Variants in NXPH1 observed in about 807,000 individuals in gnomAD.
The protein encoded by NXPH1 is neurexophilin-1.
NXPH1 carries 5 observed loss-of-function variants against 23.7 expected under a neutral mutation model. The ratio of observed to expected loss-of-function variants is 0.21; its 90% CI spans 0.11 to 0.44. The LOEUF is 0.44. Ranked by LOEUF, NXPH1 falls within the 20% of genes least tolerant of loss-of-function variation. The pLI is 0.99. For synonymous variants in NXPH1, 144 were observed against 122.2 expected, an observed-to-expected ratio of 1.18 and a Z score of -1.18; for missense variants, 324 against 321.6, an observed-to-expected ratio of 1.01 and a Z score of -0.06.
chr7:8,534,106 A>G (rs1213132125), intron 2 of NXPH1, among the ~76,000 whole-genome samples: 2 of 152,138 alleles, frequency 1.3e-5, no homozygotes, highest in Non-Finnish European at 1.5e-5. Context: ...AAAAATCAAT[A>G]TGGGTGTTAT....
At chr7:8,723,905 G>A (rs1238853402) in intron 2 of NXPH1, among the ~76,000 whole-genome samples, 1 of 152,302 alleles carries the variant, frequency 6.6e-6, no homozygotes. Flanking sequence ...AGACTAAAGG[G>A]AAAAGTAGCC....
At chr7:8,499,749 T>A (rs1817400582) in intron 2 of NXPH1, among the ~76,000 whole-genome samples, 1 of 152,046 alleles carries the variant, frequency 6.6e-6, no homozygotes, top group Non-Finnish European at 1.5e-5. Flanking sequence ...TTCCCCGCTA[T>A]TTTTGAGGCC....
intron 2 of NXPH1, among the ~76,000 whole-genome samples, chr7:8,485,491 G>T (rs1448151749): frequency 1.3e-5 from 2 of 152,040 alleles, no homozygotes; most frequent in African/African-American, 2.4e-5. Flanking sequence ...TTCCTCAGAG[G>T]AACTTCTAAT....
chr7:8,632,681 T>C (rs952737834), intron 2 of NXPH1, among the ~76,000 whole-genome samples: 4 of 152,222 alleles, frequency 2.6e-5, no homozygotes, highest in Non-Finnish European at 5.9e-5. Context: ...TTTCTCCTTG[T>C]AAGTTAATAT....
At chr7:8,670,085 C>T (rs1820843933) in intron 2 of NXPH1, among the ~76,000 whole-genome samples, 1 of 152,172 alleles carries the variant, frequency 6.6e-6, no homozygotes, top group Non-Finnish European at 1.5e-5. Flanking sequence ...TTATCAGTAA[C>T]CCCTAATGAC....
intron 2 of NXPH1, among the ~76,000 whole-genome samples, chr7:8,736,809 C>T (rs372283695): frequency 1.3e-5 from 2 of 152,204 alleles, no homozygotes; most frequent in African/African-American, 4.8e-5. Context: ...TATGGGTGCT[C>T]CTATATTGGG....
rs1816137840 is a variant in NXPH1 at position 8,433,720 on chromosome 7, G to A, written c.-1146G>A. Reference sequence around the variant, plus strand: ...GCGTCGGCGCTCGAGGCCGGCAGGGGCGCCCTGCACCCTCCCGCGCCCTTC... The same window carrying A: ...GCGTCGGCGCTCGAGGCCGGCAGGGACGCCCTGCACCCTCCCGCGCCCTTC... On this transcript the variant is annotated 5_prime_UTR_variant, in exon 1 of 3. Coordinates refer to ENST00000405863, the MANE Select transcript of NXPH1 (RefSeq NM_152745.3). The surrounding 1 kb of genome is among the most constrained non-coding windows in gnomAD (Gnocchi z 6.8). 6.6e-6 allele frequency among the ~76,000 whole-genome samples: 1 copy of A among 151,986 alleles called. No homozygotes were observed. The highest frequency in any genetic ancestry group is 1.9e-4 in the East Asian group (1 of 5,130).
intron 2 of NXPH1, among the ~76,000 whole-genome samples, chr7:8,557,924 C>T (rs188881653): frequency 7.1e-4 from 107 of 151,732 alleles, no homozygotes; most frequent in African/African-American, 2.4e-3. Flanking sequence ...TCAGTTCCTC[C>T]CAGTTTATCC....
At chr7:8,579,158 C>G (rs960137444) in intron 2 of NXPH1, among the ~76,000 whole-genome samples, 1 of 152,114 alleles carries the variant, frequency 6.6e-6, no homozygotes, top group Admixed American at 6.6e-5. Flanking sequence ...TCTTTCCAAT[C>G]CTTTCATCTT....
At chr7:8,546,304 A>G (rs1158983196) in intron 2 of NXPH1, among the ~76,000 whole-genome samples, 1 of 151,448 alleles carries the variant, frequency 6.6e-6, no homozygotes, top group African/African-American at 2.4e-5. Context: ...AGAAAGTCAC[A>G]AATATGGAGG....
At chr7:8,493,803 C>T (rs550457582) in intron 2 of NXPH1, among the ~76,000 whole-genome samples, 3 of 152,000 alleles carry the variant, frequency 2.0e-5, no homozygotes, top group South Asian at 2.1e-4. Context: ...TAGTCAGATG[C>T]GATACTTGTG....
At chr7:8,588,172 T>C (rs368453243) in intron 2 of NXPH1, among the ~76,000 whole-genome samples, 2 of 152,116 alleles carry the variant, frequency 1.3e-5, no homozygotes, top group Non-Finnish European at 2.9e-5. Flanking sequence ...AGTTCAACCA[T>C]TGTGGAAGAC....
At chr7:8,625,393 T>C (rs1819965810) in intron 2 of NXPH1, among the ~76,000 whole-genome samples, 1 of 152,176 alleles carries the variant, frequency 6.6e-6, no homozygotes, top group Non-Finnish European at 1.5e-5. Context: ...TACTCCATTA[T>C]AAACTTTTCT....
At chr7:8,547,558 G>A (rs141319737) in intron 2 of NXPH1, among the ~76,000 whole-genome samples, 63 of 151,470 alleles carry the variant, frequency 4.2e-4, no homozygotes, top group African/African-American at 1.2e-3. Context: ...ATTGCATACC[G>A]AAGGGGATTA....
chr7:8,595,259 G>A (rs1324250193), intron 2 of NXPH1, among the ~76,000 whole-genome samples: 2 of 151,868 alleles, frequency 1.3e-5, no homozygotes, highest in African/African-American at 4.8e-5. Flanking sequence ...GTCACTTCGA[G>A]CAACCCCAGT....
chr7:8,497,792 A>T (rs1191789456), intron 2 of NXPH1, among the ~76,000 whole-genome samples: 1 of 151,780 alleles, frequency 6.6e-6, no homozygotes, highest in East Asian at 1.9e-4. Context: ...GATTGTAAAA[A>T]TTTTCTCCCA....
chr7:8,731,816 G>C (rs568254921), intron 2 of NXPH1, among the ~76,000 whole-genome samples: 1 of 152,370 alleles, frequency 6.6e-6, no homozygotes, highest in African/African-American at 2.4e-5. Context: ...CCTGCCCCAA[G>C]AAGTGGAGCC....
chr7:8,599,555 T>G (rs1819307353), intron 2 of NXPH1, among the ~76,000 whole-genome samples: 1 of 152,154 alleles, frequency 6.6e-6, no homozygotes, highest in East Asian at 1.9e-4. Flanking sequence ...CATTTTAATT[T>G]AGGATTACCT....
At chr7:8,536,696 A>C (rs1584218581) in intron 2 of NXPH1, among the ~76,000 whole-genome samples, 1 of 129,394 alleles carries the variant, frequency 7.7e-6, no homozygotes, top group Non-Finnish European at 1.9e-5. Flanking sequence ...GGGCCCAGAG[A>C]AGAAGAAGAG....
Sources: allele counts gnomAD v4.1 joint callset (sites outside exome capture counted in the v4.1 genomes callset), GRCh38; gene constraint gnomAD v4.1.1; non-coding constraint Gnocchi (gnomAD v3.1); transcripts MANE v1.5; gene names NCBI Gene and HGNC (gene_info 2026-07-23, HGNC 2026-07-21).